PXDNL: variants seen among roughly 807,000 people sequenced by gnomAD.
The protein encoded by PXDNL is peroxidasin like, also known as probable oxidoreductase PXDNL.
In PXDNL, 145 loss-of-function variants were observed where a neutral mutation model predicts 150.8. The ratio of observed to expected loss-of-function variants is 0.96; its 90% CI spans 0.84 to 1.10. The LOEUF (loss-of-function observed/expected upper bound fraction) is 1.10, where lower values mean the gene tolerates loss of function less well. PXDNL is among the 50% of genes least tolerant of loss of function. PXDNL has a pLI of 0.00. For missense variants in PXDNL, 2,087 were observed against 1,873.9 expected, an observed-to-expected ratio of 1.11 and a Z score of -2.10; for synonymous variants, 757 against 725.7, an observed-to-expected ratio of 1.04 and a Z score of -0.69.
intron 18 of PXDNL, 73 bp downstream of exon 18, chr8:51,374,524 A>G (rs1413440295): frequency 7.6e-6 from 11 of 1,453,704 alleles, no homozygotes; most frequent in Non-Finnish European, 1.1e-5. Flanking sequence ...ATGAATCACA[A>G]TGTTAAACAT....
chr8:51,702,675 A>G (rs1181271181), intron 1 of PXDNL, among the ~76,000 whole-genome samples: 1 of 152,182 alleles, frequency 6.6e-6, no homozygotes, highest in Non-Finnish European at 1.5e-5. Flanking sequence ...AACAGTACCT[A>G]TGGCATTCCA....
At chr8:51,507,634 C>T (rs142067180) in intron 4 of PXDNL, among the ~76,000 whole-genome samples, 2 of 152,332 alleles carry the variant, frequency 1.3e-5, no homozygotes, top group African/African-American at 4.8e-5. Context: ...TGGAAGTTAG[C>T]TAGAGAGAGA....
In PXDNL at chr8:51,694,409, A is replaced by T. The variant is rs967534252; in HGVS notation, c.165-39649T>A. Among the ~76,000 whole-genome samples, 2 of 152,208 alleles carry T rather than the reference A, an allele frequency of 1.3e-5. 1 individual carries two copies. The highest frequency in any genetic ancestry group is 4.1e-4 in the South Asian group (2 of 4,834). On this transcript the variant is annotated intron_variant, in intron 1 of 22. Transcript: ENST00000356297. ...GTTTCACTAATAACTCTGTGACACA[A>T]CTGAGGGATCACTCACATTCAAGCC... is the stretch of plus-strand genomic sequence containing the variant.
At chr8:51,553,120 T>C (rs1812527579) in intron 4 of PXDNL, among the ~76,000 whole-genome samples, 1 of 152,246 alleles carries the variant, frequency 6.6e-6, no homozygotes, top group Non-Finnish European at 1.5e-5. Flanking sequence ...CTTCCTTGAC[T>C]CTGTGTCCTG....
intron 1 of PXDNL, among the ~76,000 whole-genome samples, chr8:51,784,599 G>C (rs1168233319): frequency 1.3e-5 from 2 of 152,122 alleles, no homozygotes; most frequent in African/African-American, 2.4e-5. Flanking sequence ...CTCCTAATTG[G>C]ATCAACGTCG....
chr8:51,650,590 A>G (rs1280149564), intron 2 of PXDNL, among the ~76,000 whole-genome samples: 1 of 152,196 alleles, frequency 6.6e-6, no homozygotes, highest in Non-Finnish European at 1.5e-5. Context: ...TTGCTTGTGG[A>G]AATTGCCCTA....
At chr8:51,390,952 GT>G (rs980126049) in intron 17 of PXDNL, among the ~76,000 whole-genome samples, 3 of 151,692 alleles carry the variant, frequency 2.0e-5, no homozygotes, top group African/African-American at 7.3e-5. Flanking sequence ...GTGTCCATGT[GT>G]TCTCACTGTT....
At chr8:51,731,293 A>C (rs1241691208) in intron 1 of PXDNL, among the ~76,000 whole-genome samples, 1 of 152,230 alleles carries the variant, frequency 6.6e-6, no homozygotes, top group Non-Finnish European at 1.5e-5. Context: ...GACCCCATGC[A>C]AGTCTGAAAT....
At chr8:51,624,840 G>A (rs1193902339) in intron 2 of PXDNL, among the ~76,000 whole-genome samples, 6 of 151,542 alleles carry the variant, frequency 4.0e-5, no homozygotes, top group African/African-American at 1.2e-4. Context: ...AATGAGTGAA[G>A]ATAAAGGAAT....
At chr8:51,800,663 A>C (rs1233582846) in intron 1 of PXDNL, among the ~76,000 whole-genome samples, 1 of 152,248 alleles carries the variant, frequency 6.6e-6, no homozygotes, top group East Asian at 1.9e-4. Context: ...ATCAGTTCCC[A>C]AAATTAATAC....
intron 12 of PXDNL, among the ~76,000 whole-genome samples, chr8:51,429,706 T>TA (rs1427087648): frequency 2.2e-5 from 3 of 133,458 alleles, no homozygotes; most frequent in Admixed American, 7.3e-5. Context: ...TTTTTTTTTT[T>TA]ATGAGACATG....
Position 51,695,498 on chromosome 8 carries a change from G to A in PXDNL, c.165-40738C>T, listed in dbSNP as rs548911542. Among the ~76,000 whole-genome samples, 17 of 152,030 alleles carry A rather than the reference G, an allele frequency of 1.1e-4. No individual in the cohort carries two copies. In the South Asian group the frequency reaches 3.3e-3, roughly 30 times the overall value. ...CACACACACGCACACACGCACGCAC[G>A]CATACTTCTTGTGTTTGGTGTCATT... On this transcript the variant is annotated intron_variant, in intron 1 of 22. Coordinates refer to ENST00000356297, the MANE Select transcript of PXDNL (RefSeq NM_144651.5).
chr8:51,778,737 C>T (rs1359263411), intron 1 of PXDNL, among the ~76,000 whole-genome samples: 5 of 152,236 alleles, frequency 3.3e-5, no homozygotes, highest in African/African-American at 7.2e-5. Context: ...GAGCCTCCCA[C>T]GCTTTCACTT....
Position 51,408,227 on chromosome 8 carries a change from C to T in PXDNL, c.3397G>A (p.Ala1133Thr). The change falls in exon 17 of 23, where the codon GCG becomes ACG. Residue 1133 changes from alanine to threonine, a missense_variant. By Grantham distance (58) the Ala-to-Thr change is moderately conservative (BLOSUM62 0). Transcript: ENST00000356297. The stretch of plus-strand genomic sequence containing the variant: ...ATGGTGGCAGCCGAATCCACGGCCG[C>T]AGAATAAGCCGCGGAGAAGAGCCTC... Reference protein sequence around the residue: ...TQRLFSAAYSAAVDSAATIIQ... With the variant: ...TQRLFSAAYSTAVDSAATIIQ... 6.2e-7 allele frequency: 1 copy of T among 1,613,990 alleles called. No individual in the cohort carries two copies. Among genetic ancestry groups the T allele is most frequent in the Non-Finnish European group, 8.5e-7 (1 of 1,179,890 alleles).
chr8:51,634,733 G>A (rs1164148111), intron 2 of PXDNL, among the ~76,000 whole-genome samples: 1 of 150,646 alleles, frequency 6.6e-6, no homozygotes, highest in Non-Finnish European at 1.5e-5. Flanking sequence ...TTATTTTTTT[G>A]TGGCTATTGA....
At chr8:51,489,926 T>C (rs898516771) in intron 5 of PXDNL, among the ~76,000 whole-genome samples, 2 of 152,142 alleles carry the variant, frequency 1.3e-5, no homozygotes, top group Non-Finnish European at 2.9e-5. Context: ...CCAGAAACCA[T>C]GGACTTCACT....
chr8:51,539,939 T>C (rs1585562917), intron 4 of PXDNL, among the ~76,000 whole-genome samples: 1 of 86,226 alleles, frequency 1.2e-5, no homozygotes. Flanking sequence ...ATCTACTACC[T>C]TTTTTTTTTT....
intron 1 of PXDNL, among the ~76,000 whole-genome samples, chr8:51,751,712 G>A (rs2130977269): frequency 6.6e-6 from 1 of 152,332 alleles, no homozygotes; most frequent in Middle Eastern, 3.4e-3. Flanking sequence ...GTGGGAAACA[G>A]ATGTGTGCTT....
At position 51,475,007 on chromosome 8, in the gene PXDNL, G is replaced by A; in HGVS notation, c.659C>T (p.Ala220Val). 6.2e-7 allele frequency: 1 copy of A among 1,608,064 alleles called. No homozygotes were observed. Among genetic ancestry groups the A allele is most frequent in the East Asian group, 2.2e-5 (1 of 44,738 alleles). The change falls in exon 7 of 23, where the codon GCA (alanine) becomes GTA (valine). Residue 220 changes from alanine to valine, a missense_variant. Coordinates refer to ENST00000356297, the MANE Select transcript of PXDNL (RefSeq NM_144651.5). ...TTCCTCTACTGTTACTGAAGCAACT[G>A]CACGCCCATGGAGTCTCCTGGGATA... ...CEYPRRLHGR[A>V]VASVTVEEFN...
Sources: allele counts gnomAD v4.1 joint callset (sites outside exome capture counted in the v4.1 genomes callset), GRCh38; gene constraint gnomAD v4.1.1; transcripts MANE v1.5; gene names NCBI Gene and HGNC (gene_info 2026-07-23, HGNC 2026-07-21).